The following OTOGL variants were observed in gnomAD, a reference collection of about 807,000 sequenced individuals.
OTOGL encodes the protein otogelin-like protein.
In OTOGL, 285 loss-of-function variants were observed where a neutral mutation model predicts 318.5. That is an observed-to-expected ratio of 0.89 (90% confidence interval 0.81 to 0.99). OTOGL has a LOEUF of 0.99. Among genes scored for constraint, OTOGL ranks in the 50% least tolerant of loss-of-function variants. The pLI is 0.00. For synonymous variants in OTOGL, 987 were observed against 936.5 expected (o/e 1.05, Z -0.99); for missense variants, 2,899 against 2,845.6 (o/e 1.02, Z -0.43).
At chr12:80,324,735 T>G (rs1454278219) in intron 35 of OTOGL, among the ~76,000 whole-genome samples, 1 of 152,132 alleles carries the variant, frequency 6.6e-6, no homozygotes, top group Non-Finnish European at 1.5e-5. Flanking sequence ...TTTAATATCA[T>G]TTATGAGAGA....
At chr12:80,179,331 G>T (rs143990206) in intron 1 of OTOGL, among the ~76,000 whole-genome samples, 1 of 152,104 alleles carries the variant, frequency 6.6e-6, no homozygotes, top group Non-Finnish European at 1.5e-5. Context: ...GAAAGAAAAT[G>T]GGCCATGCTT....
At position 80,262,086 on chromosome 12, in the gene OTOGL, A is replaced by G. The variant is rs1479388074; in HGVS notation, c.2007A>G (p.Gln669=). The change falls in exon 19 of 59, where the codon CAA becomes CAG. Residue 669 remains glutamine, a synonymous_variant. Coordinates refer to ENST00000547103, the MANE Select transcript of OTOGL (RefSeq NM_001378609.3). The part of the protein sequence containing the change: ...VPVVDPCNIN[Q]QNIGYAAHCD... ...TGGTGGACCCCTGTAACATCAATCA[A>G]CAAAACAGTAAGTTTTGCATGTAAA... 3 of 1,605,786 alleles carry G rather than the reference A, an allele frequency of 1.9e-6. No homozygotes were observed.
intron 25 of OTOGL, 44 bp from the exon 26 acceptor site, chr12:80,278,984 A>T: frequency 6.4e-7 from 1 of 1,572,326 alleles, no homozygotes; most frequent in Non-Finnish European, 8.6e-7. Context: ...ATCACTAGTT[A>T]GAGTCGTTTC....
At chr12:80,127,566 C>T (rs1381775763) in intron 1 of OTOGL, among the ~76,000 whole-genome samples, 1 of 152,118 alleles carries the variant, frequency 6.6e-6, no homozygotes, top group Non-Finnish European at 1.5e-5. Flanking sequence ...CTCTGTATTT[C>T]CTGAATCTGA....
chr12:80,323,097 TAC>T (rs200949284), intron 34 of OTOGL, among the ~76,000 whole-genome samples: 3,289 of 127,084 alleles, frequency 0.026, 112 homozygotes, highest in Admixed American at 0.091. Context: ...GAAAACCCAC[TAC>T]ACACACACAC....
At chr12:80,155,678 T>A (rs755996048) in intron 1 of OTOGL, among the ~76,000 whole-genome samples, 2 of 152,242 alleles carry the variant, frequency 1.3e-5, no homozygotes, top group Non-Finnish European at 2.9e-5. Context: ...TTGACTATAG[T>A]CACCCTGTTG....
Position 80,217,603 on chromosome 12 carries a change from A to G in OTOGL, c.174A>G (p.Glu58=). The G allele has an allele frequency of 6.5e-7, 1 of 1,539,720 alleles. No homozygotes were observed. Among genetic ancestry groups the G allele is most frequent in the Non-Finnish European group, 8.8e-7 (1 of 1,137,354 alleles). ...CTCATTTCTTTCTTTCAAAGTTTGA[A>G]GCTACTTCTCCGAGATACTTTTTCC... ...QKRALLAAQF[E]ATSPRYFFHD... Residue 58 remains glutamate (E), a synonymous_variant, in exon 5 of 59, where the codon GAA becomes GAG. Coordinates refer to ENST00000547103, the MANE Select transcript of OTOGL (RefSeq NM_001378609.3).
chr12:80,210,869 ATT>A lies in OTOGL; in HGVS notation c.103_104del (p.Leu35AspfsTer9). 6.7e-7 allele frequency: 1 copy of A among 1,486,234 alleles called. No homozygotes were observed. Among genetic ancestry groups the A allele is most frequent in the Non-Finnish European group, 9.0e-7 (1 of 1,115,120 alleles). 92.1% of individuals were successfully genotyped at this position (1,486,234 alleles called of 1,614,324 possible). On this transcript the variant is annotated frameshift_variant, in exon 3 of 59. Transcript: ENST00000547103. LOFTEE classifies it high-confidence loss of function. ...LQEYICASSI[L>X]MGTSKNGFNE... is the part of the protein sequence containing the mutation. ...CAGAATATATTTGTGCATCGTCTAT[ATT>A]GATGGGAACATCAAAGTGAGTATTT... is the stretch of plus-strand genomic sequence containing the variant.
chr12:80,177,605 G>A (rs1448904835), intron 1 of OTOGL, among the ~76,000 whole-genome samples: 26 of 151,560 alleles, frequency 1.7e-4, no homozygotes, highest in Middle Eastern at 3.2e-3. Context: ...TATGTCTTTT[G>A]CATTTCTACA....
chr12:80,264,961 C>A, intron 19 of OTOGL, 40 bp from the exon 20 acceptor site: 1 of 1,587,000 alleles, frequency 6.3e-7, no homozygotes, highest in South Asian at 1.1e-5. Flanking sequence ...GGGGTAAGAT[C>A]TGAACTGTTA....
At chr12:80,332,978 T>C (rs1241062551) in intron 37 of OTOGL, 27 bp from the exon 38 acceptor site, 5 of 1,538,516 alleles carry the variant, frequency 3.2e-6, no homozygotes, top group East Asian at 2.3e-5. Context: ...ATTCCACTAA[T>C]GAGGATTACT....
intron 11 of OTOGL, among the ~76,000 whole-genome samples, chr12:80,249,701 A>T (rs1477100147): frequency 2.0e-5 from 3 of 152,066 alleles, no homozygotes; most frequent in South Asian, 2.1e-4. Flanking sequence ...ACCCAGTTCG[A>T]GCTTCCCGGC....
rs138890712 is a variant in OTOGL at position 80,154,202 on chromosome 12, G to A, written c.-20+54597G>A. ...CTCACGCCTGTAGTCCCAGCTACTC[G>A]GGAGACTGGGGCAGGAGAATCTTTT... On this transcript the variant is annotated intron_variant, in intron 1 of 58. Transcript: ENST00000547103. Among the ~76,000 whole-genome samples, 663 of 152,172 alleles carry A rather than the reference G, an allele frequency of 4.4e-3. 5 individuals are homozygous for A. Among genetic ancestry groups the A allele is most frequent in the African/African-American group, 0.015 (637 of 41,516 alleles).
chr12:80,265,636 GT>G (rs1236318228), intron 20 of OTOGL: 3 of 191,154 alleles, frequency 1.6e-5, no homozygotes, highest in South Asian at 1.9e-4. Context: ...TCACACTTAT[GT>G]TGTCTGCCAT....
intron 37 of OTOGL, among the ~76,000 whole-genome samples, chr12:80,330,401 G>A (rs2137884540): frequency 6.6e-6 from 1 of 152,290 alleles, no homozygotes; most frequent in East Asian, 1.9e-4. Flanking sequence ...TTAGGCATCA[G>A]TGAATTTAGT....
chr12:80,273,199 C>G (rs1883542472), intron 24 of OTOGL, among the ~76,000 whole-genome samples: 1 of 152,090 alleles, frequency 6.6e-6, no homozygotes, highest in Non-Finnish European at 1.5e-5. Flanking sequence ...GTGGAATTGA[C>G]TTAGAGGCCT....
At chr12:80,108,825 GTATATATAT>G (rs1285344670) in intron 1 of OTOGL, among the ~76,000 whole-genome samples, 11 of 122,384 alleles carry the variant, frequency 9.0e-5, no homozygotes, top group Admixed American at 4.3e-4. Context: ...GTATATATAT[GTATATATAT>G]TGTATATATA....
intron 24 of OTOGL, among the ~76,000 whole-genome samples, chr12:80,275,755 T>C (rs954380078): frequency 6.6e-6 from 1 of 151,820 alleles, no homozygotes; most frequent in African/African-American, 2.4e-5. Context: ...ACCACCCTGA[T>C]TAGTCAGCAG....
At chr12:80,254,774 T>C (rs1263652753) in intron 15 of OTOGL, among the ~76,000 whole-genome samples, 1 of 152,004 alleles carries the variant, frequency 6.6e-6, no homozygotes, top group Non-Finnish European at 1.5e-5. Context: ...TAAAATAGTG[T>C]AAATGTTATA....
Sources: gnomAD v4.1 joint callset for allele counts (sites outside exome capture counted in the v4.1 genomes callset) on GRCh38, gnomAD v4.1.1 for gene constraint, MANE v1.5 for transcripts, NCBI Gene and HGNC (gene_info 2026-07-23, HGNC 2026-07-21) for gene names.